ALMS1: variants seen among roughly 807,000 people sequenced by gnomAD.
ALMS1 encodes centrosome-associated protein ALMS1.
A neutral mutation model predicts 352.2 loss-of-function variants in ALMS1; 271 were observed. That is an observed-to-expected ratio of 0.77 (90% confidence interval 0.70 to 0.85). The LOEUF (loss-of-function observed/expected upper bound fraction) is 0.85. Ranked by LOEUF, ALMS1 falls within the 40% of genes least tolerant of loss-of-function variation. The pLI, the probability that ALMS1 is intolerant of heterozygous loss-of-function variation, is 0.00. For missense variants in ALMS1, 5,445 were observed against 4,870.7 expected (o/e 1.12, Z -3.51); for synonymous variants, 1,865 against 1,761.2 (o/e 1.06, Z -1.48).
intron 1 of ALMS1, among the ~76,000 whole-genome samples, chr2:73,397,135 A>G (rs1366961831): frequency 6.6e-6 from 1 of 152,150 alleles, no homozygotes; most frequent in Non-Finnish European, 1.5e-5. Context: ...GGCCCTTCAT[A>G]AGACTGGTTT....
chr2:73,436,973 G>A (rs1054718322), intron 7 of ALMS1, among the ~76,000 whole-genome samples: 1 of 152,156 alleles, frequency 6.6e-6, no homozygotes, highest in Non-Finnish European at 1.5e-5. Flanking sequence ...TAAACTGGAC[G>A]TTTTGGATAA....
At chr2:73,609,233 C>T (rs764384962) in intron 22 of ALMS1, among the ~76,000 whole-genome samples, 1 of 152,214 alleles carries the variant, frequency 6.6e-6, no homozygotes, top group African/African-American at 2.4e-5. Flanking sequence ...AGAACCCAGG[C>T]GGGTGCCTCA....
chr2:73,405,413 A>G (rs549348912), intron 1 of ALMS1, among the ~76,000 whole-genome samples: 5 of 151,622 alleles, frequency 3.3e-5, no homozygotes, highest in East Asian at 3.9e-4. Flanking sequence ...TTTTATTTCT[A>G]TGGCATTGGT....
At chr2:73,539,072 G>C (rs953308186) in intron 12 of ALMS1, among the ~76,000 whole-genome samples, 1 of 152,172 alleles carries the variant, frequency 6.6e-6, no homozygotes, top group Admixed American at 6.5e-5. Flanking sequence ...ATCTGAGAAC[G>C]GACAGATTAC....
chr2:73,441,223 G>C (rs1230561289), intron 7 of ALMS1, among the ~76,000 whole-genome samples: 1 of 152,180 alleles, frequency 6.6e-6, no homozygotes, highest in African/African-American at 2.4e-5. Context: ...CTGCGATGGA[G>C]AACATTTCCT....
At position 73,452,288 on chromosome 2, in the gene ALMS1, T is replaced by G. The variant is rs545488125; in HGVS notation, c.5761T>G (p.Phe1921Val). The change falls in exon 8 of 23, where the codon TTT becomes GTT. Residue 1921 changes from phenylalanine to valine, a missense_variant. Transcript: ENST00000613296. Reference sequence around the variant, plus strand: ...TGTTACTGAAGAAGCTTTAAATGTTTTTGTTGTTCCTGGACAAGGTGACCG... The same window carrying G: ...TGTTACTGAAGAAGCTTTAAATGTTGTTGTTGTTCCTGGACAAGGTGACCG... Reference protein sequence around the residue: ...PDVTEEALNVFVVPGQGDRKT... With the variant: ...PDVTEEALNVVVVPGQGDRKT... 3.1e-6 allele frequency: 5 copies of G among 1,613,896 alleles called. No homozygotes were observed. Among genetic ancestry groups the G allele is most frequent in the African/African-American group, 1.3e-5 (1 of 74,878 alleles).
chr2:73,540,039 C>T (rs182467018), intron 12 of ALMS1, among the ~76,000 whole-genome samples: 6 of 152,052 alleles, frequency 3.9e-5, no homozygotes, highest in South Asian at 2.1e-4. Context: ...AGATGCTCCT[C>T]GAGAAGAGCA....
At chr2:73,499,747 A>G (rs1175224210) in intron 10 of ALMS1, among the ~76,000 whole-genome samples, 1 of 152,122 alleles carries the variant, frequency 6.6e-6, no homozygotes, top group Non-Finnish European at 1.5e-5. Flanking sequence ...CTAAAGAGAG[A>G]TGTTTGGGTT....
chr2:73,599,660 G>C, intron 17 of ALMS1, 139 bp downstream of exon 17: 1 of 1,104,458 alleles, frequency 9.1e-7, no homozygotes, highest in Non-Finnish European at 1.3e-6. Context: ...TGTCAGATTG[G>C]CATAAATTCA....
Position 73,424,442 on chromosome 2 carries a change from T to G in ALMS1, c.777T>G (p.Asp259Glu), listed in dbSNP as rs190445250. The change falls in exon 5 of 23, where the codon GAT (aspartate) becomes GAG (glutamate). Residue 259 changes from aspartate to glutamate, a missense_variant. By Grantham distance (45) the Asp-to-Glu change is conservative. Transcript: ENST00000613296. ...LSFAPLRGIP[D>E]KSEDTEWSSR... ...TATATATTTTCAGGGGAATTCCTGA[T>G]AAGTCTGAAGATACTGAATGGTCTT... 7.1e-6 allele frequency: 11 copies of G among 1,559,356 alleles called. No individual in the cohort carries two copies. In the Admixed American group the frequency reaches 1.9e-4, roughly 27 times the overall value.
chr2:73,508,639 C>G (rs955898855), intron 10 of ALMS1, among the ~76,000 whole-genome samples: 5 of 152,076 alleles, frequency 3.3e-5, no homozygotes, highest in African/African-American at 1.2e-4. Context: ...AGAATAAGTG[C>G]TATGTAGTAC....
At chr2:73,543,962 C>T (rs556649735) in intron 12 of ALMS1, among the ~76,000 whole-genome samples, 1 of 152,238 alleles carries the variant, frequency 6.6e-6, no homozygotes, top group African/African-American at 2.4e-5. Context: ...TGTGGCGATT[C>T]CTCAGGGATC....
At position 73,490,735 on chromosome 2, in the gene ALMS1, C is replaced by A. The variant is rs765779200; in HGVS notation, c.8776C>A (p.Gln2926Lys). 4 of 1,614,160 alleles carry A rather than the reference C, an allele frequency of 2.5e-6. No individual in the cohort carries two copies. Among genetic ancestry groups the A allele is most frequent in the African/African-American group, 1.3e-5 (1 of 75,052 alleles). Residue 2926 changes from glutamine to lysine, a missense_variant, in exon 10 of 23, where the codon CAA (glutamine) becomes AAA (lysine). By Grantham distance (53) the Gln-to-Lys change is moderately conservative. Coordinates refer to ENST00000613296, the MANE Select transcript of ALMS1 (RefSeq NM_001378454.1). The stretch of plus-strand genomic sequence containing the variant: ...CCTTCCTTCTTGCATTTTTCTTGAA[C>A]AACGAGAACTCTTTGAACAGTGCAA... ...PDLPSCIFLE[Q>K]RELFEQCKAP...
chr2:73,602,680 C>T (rs551985184), intron 20 of ALMS1, among the ~76,000 whole-genome samples: 4 of 152,328 alleles, frequency 2.6e-5, no homozygotes, highest in African/African-American at 9.6e-5. Flanking sequence ...TCCAGGCTTG[C>T]CTACCTCTTA....
rs2103775619 is a variant in ALMS1 at position 73,449,070 on chromosome 2, CTGG to C, written c.2544_2546del (p.Gly849del). On this transcript the variant is annotated inframe_deletion, in exon 8 of 23. Coordinates refer to ENST00000613296, the MANE Select transcript of ALMS1 (RefSeq NM_001378454.1). ...GTTTCTGGACCAGCTGACGGAAAGA[CTGG>C]GACACCAGCTGTAACCTCTACTTCC... 6.2e-7 allele frequency: 1 copy of C among 1,614,144 alleles called. No homozygotes were observed. The highest frequency in any genetic ancestry group is 1.7e-5 in the Admixed American group (1 of 60,010).
chr2:73,486,919 G>T (rs1313932762), intron 9 of ALMS1, among the ~76,000 whole-genome samples: 2 of 152,174 alleles, frequency 1.3e-5, no homozygotes, highest in African/African-American at 4.8e-5. Context: ...GCCCGGTGTA[G>T]TGGCATGTGC....
At chr2:73,478,848 CCCA>C (rs1184101861) in intron 9 of ALMS1, among the ~76,000 whole-genome samples, 1 of 151,934 alleles carries the variant, frequency 6.6e-6, no homozygotes, top group African/African-American at 2.4e-5. Flanking sequence ...TGCCCCTGAC[CCCA>C]CCGACAGGCC....
At chr2:73,596,232 T>A (rs1287864539) in intron 16 of ALMS1, among the ~76,000 whole-genome samples, 3 of 152,240 alleles carry the variant, frequency 2.0e-5, no homozygotes, top group Non-Finnish European at 4.4e-5. Flanking sequence ...ATTAAAAGTT[T>A]ATTGTTTTAA....
chr2:73,587,278 T>C (rs1356415270), intron 16 of ALMS1, among the ~76,000 whole-genome samples: 1 of 152,210 alleles, frequency 6.6e-6, no homozygotes, highest in Non-Finnish European at 1.5e-5. Flanking sequence ...TTTTTTCTCT[T>C]GTCTGATTGC....
Sources: gnomAD v4.1 joint callset for allele counts (sites outside exome capture counted in the v4.1 genomes callset) on GRCh38, gnomAD v4.1.1 for gene constraint, MANE v1.5 for transcripts, NCBI Gene and HGNC (gene_info 2026-07-23, HGNC 2026-07-21) for gene names.